Variants in ALK observed in about 807,000 individuals in gnomAD.
ALK encodes ALK tyrosine kinase receptor.
Under a neutral mutation model 163.1 loss-of-function variants are expected in ALK, and 74 were observed. The observed-to-expected ratio is 0.45, with a 90% confidence interval of 0.38 to 0.55. ALK has a LOEUF of 0.55. Ranked by LOEUF, ALK falls within the 20% of genes least tolerant of loss-of-function variation. The pLI is 0.00. For missense variants in ALK, 2,063 were observed against 2,105.3 expected (o/e 0.98, Z 0.39); for synonymous variants, 960 against 843.2 (o/e 1.14, Z -2.40).
At chr2:29,874,824 C>T (rs899389420) in intron 1 of ALK, among the ~76,000 whole-genome samples, 14 of 152,262 alleles carry the variant, frequency 9.2e-5, no homozygotes, top group African/African-American at 2.9e-4. Flanking sequence ...CACCAAGATA[C>T]GTCTTTATTC....
chr2:29,279,279 T>C (rs1305221978), intron 9 of ALK, among the ~76,000 whole-genome samples: 1 of 152,148 alleles, frequency 6.6e-6, no homozygotes, highest in Admixed American at 6.5e-5. Context: ...CGCACAACCA[T>C]CAGGAAGATT....
intron 4 of ALK, among the ~76,000 whole-genome samples, chr2:29,415,962 A>G (rs563669607): frequency 8.5e-4 from 130 of 152,260 alleles, no homozygotes; most frequent in Non-Finnish European, 1.5e-3. Flanking sequence ...TCAGGCCTTC[A>G]GCCTTGCACT....
intron 1 of ALK, among the ~76,000 whole-genome samples, chr2:29,773,233 T>TACACATAC (rs1553359874): frequency 0.045 from 6,590 of 146,934 alleles, 173 homozygotes; most frequent in East Asian, 0.11. Context: ...ACAGTAAATG[T>TACACATAC]ACACACACAC....
intron 3 of ALK, among the ~76,000 whole-genome samples, chr2:29,657,717 G>A (rs1007164478): frequency 6.6e-6 from 1 of 152,030 alleles, no homozygotes; most frequent in Non-Finnish European, 1.5e-5. Context: ...GAAAGACAAT[G>A]AAAGACAACA....
At chr2:29,388,731 A>G (rs1460509718) in intron 4 of ALK, among the ~76,000 whole-genome samples, 1 of 152,234 alleles carries the variant, frequency 6.6e-6, no homozygotes, top group African/African-American at 2.4e-5. Flanking sequence ...CCTTGCAAAT[A>G]TCTGCATCTC....
At chr2:29,790,280 T>A (rs1664157168) in intron 1 of ALK, among the ~76,000 whole-genome samples, 1 of 152,174 alleles carries the variant, frequency 6.6e-6, no homozygotes, top group Admixed American at 6.5e-5. Context: ...GAAAGTAGAT[T>A]AAAGCAGGGC....
intron 8 of ALK, among the ~76,000 whole-genome samples, chr2:29,314,342 C>T (rs1666771058): frequency 6.6e-6 from 1 of 152,076 alleles, no homozygotes; most frequent in Non-Finnish European, 1.5e-5. Context: ...GTGGAAGGGG[C>T]CCGCTGGTCA....
chr2:29,368,256 T>C (rs930596533), intron 5 of ALK, among the ~76,000 whole-genome samples: 13 of 152,184 alleles, frequency 8.5e-5, no homozygotes, highest in African/African-American at 2.9e-4. Context: ...ATTGCCTGTG[T>C]GCCAGAACCA....
chr2:29,815,330 T>C (rs1188154173), intron 1 of ALK, among the ~76,000 whole-genome samples: 1 of 152,038 alleles, frequency 6.6e-6, no homozygotes, highest in Non-Finnish European at 1.5e-5. Context: ...CTACTAACCT[T>C]CTTAATTTAC....
At chr2:29,645,968 C>G (rs895322407) in intron 3 of ALK, among the ~76,000 whole-genome samples, 9 of 152,092 alleles carry the variant, frequency 5.9e-5, no homozygotes, top group African/African-American at 2.2e-4. Flanking sequence ...TGGGAAATCT[C>G]CTTCAGTCTC....
At chr2:29,858,793 C>G (rs1405950434) in intron 1 of ALK, among the ~76,000 whole-genome samples, 1 of 151,868 alleles carries the variant, frequency 6.6e-6, no homozygotes, top group Non-Finnish European at 1.5e-5. Flanking sequence ...AATCCCAGCA[C>G]TTTGGGAGGC....
intron 4 of ALK, among the ~76,000 whole-genome samples, chr2:29,462,125 T>C (rs750319542): frequency 1.1e-4 from 16 of 152,100 alleles, no homozygotes; most frequent in Admixed American, 2.6e-4. Flanking sequence ...ATGATAAAAT[T>C]TGAATGGAAG....
At chr2:29,339,672 C>G (rs1667733204) in intron 5 of ALK, among the ~76,000 whole-genome samples, 2 of 152,166 alleles carry the variant, frequency 1.3e-5, no homozygotes, top group Non-Finnish European at 2.9e-5. Context: ...ACGGAGGCAG[C>G]TTGAATGAGG....
In ALK at chr2:29,233,601, G is replaced by A. The variant is rs183314518; in HGVS notation, c.2451C>T (p.Gly817=). 440 of 1,614,074 alleles carry A rather than the reference G, an allele frequency of 2.7e-4. No individual in the cohort carries two copies. Among genetic ancestry groups the A allele is most frequent in the East Asian group, 6.9e-4 (31 of 44,882 alleles). ...VNRSVHEWAG[G]GGGGGGATYV... The stretch of plus-strand genomic sequence containing the variant: ...AGGTGGCTCCACCCCCTCCTCCTCC[G>A]CCTCCTGCCCACTCATGCACGCTTC... The change falls in exon 14 of 29, where the codon GGC becomes GGT. Residue 817 remains glycine (G), a synonymous_variant. Coordinates refer to ENST00000389048, the MANE Select transcript of ALK (RefSeq NM_004304.5).
intron 4 of ALK, among the ~76,000 whole-genome samples, chr2:29,449,556 C>G (rs1573364267): frequency 6.6e-6 from 1 of 152,210 alleles, no homozygotes; most frequent in East Asian, 1.9e-4. Context: ...TTTCCATTCA[C>G]AGTTCAGATC....
intron 20 of ALK, 142 bp downstream of exon 20, chr2:29,223,200 G>T: frequency 1.2e-6 from 1 of 818,024 alleles, no homozygotes; most frequent in Non-Finnish European, 2.0e-6. Flanking sequence ...GAATGTCAAG[G>T]CTTGTCCTCC....
chr2:29,301,395 T>A (rs1393585290), intron 8 of ALK, among the ~76,000 whole-genome samples: 1 of 152,230 alleles, frequency 6.6e-6, no homozygotes, highest in Non-Finnish European at 1.5e-5. Flanking sequence ...GACTGTCTTA[T>A]TCATCTTATG....
intron 4 of ALK, among the ~76,000 whole-genome samples, chr2:29,476,207 T>C (rs754557340): frequency 4.6e-5 from 7 of 152,156 alleles, no homozygotes; most frequent in Non-Finnish European, 8.8e-5. Flanking sequence ...CTCCTCCCCA[T>C]GCCTGCAGGC....
intron 3 of ALK, among the ~76,000 whole-genome samples, chr2:29,691,070 C>T (rs1233904844): frequency 6.6e-6 from 1 of 152,186 alleles, no homozygotes; most frequent in Non-Finnish European, 1.5e-5. Context: ...TCACTTCTTT[C>T]CCTGAAGGTC....
Sources: allele counts gnomAD v4.1 joint callset (sites outside exome capture counted in the v4.1 genomes callset), GRCh38; gene constraint gnomAD v4.1.1; transcripts MANE v1.5; gene names NCBI Gene and HGNC (gene_info 2026-07-23, HGNC 2026-07-21).